The following CDH18 variants were observed in gnomAD, a reference collection of about 807,000 sequenced individuals.
The protein encoded by CDH18 is cadherin-18.
CDH18 carries 31 observed loss-of-function variants against 67.9 expected under a neutral mutation model. The ratio of observed to expected loss-of-function variants is 0.46; its 90% CI spans 0.34 to 0.62. The LOEUF (loss-of-function observed/expected upper bound fraction) is 0.62. Among genes scored for constraint, CDH18 ranks in the 20% least tolerant of loss-of-function variants. The pLI, the probability that CDH18 is intolerant of heterozygous loss-of-function variation, is 0.01. For synonymous variants in CDH18, 362 were observed against 347.2 expected (o/e 1.04, Z -0.48); for missense variants, 890 against 975.5 (o/e 0.91, Z 1.17).
intron 3 of CDH18, among the ~76,000 whole-genome samples, chr5:19,828,695 T>C (rs1476536760): frequency 6.6e-6 from 1 of 152,182 alleles, no homozygotes; most frequent in East Asian, 1.9e-4. Flanking sequence ...CATCGCTTCA[T>C]GTTAAAGAAA....
At chr5:20,357,175 G>A (rs1336715652) in intron 1 of CDH18, among the ~76,000 whole-genome samples, 1 of 151,954 alleles carries the variant, frequency 6.6e-6, no homozygotes, top group Non-Finnish European at 1.5e-5. Flanking sequence ...AATGCATGAT[G>A]TTACTTAACA....
chr5:19,724,549 A>C (rs1339935146), intron 4 of CDH18, among the ~76,000 whole-genome samples: 1 of 151,998 alleles, frequency 6.6e-6, no homozygotes, highest in East Asian at 1.9e-4. Context: ...ACAAATTTAT[A>C]CAAGTAAATC....
intron 1 of CDH18, among the ~76,000 whole-genome samples, chr5:20,383,438 A>C (rs1490388530): frequency 6.6e-6 from 1 of 152,166 alleles, no homozygotes; most frequent in Non-Finnish European, 1.5e-5. Flanking sequence ...AAGCTGATAG[A>C]ATCCTTGCTT....
chr5:20,323,185 G>C (rs1299388685), intron 1 of CDH18, among the ~76,000 whole-genome samples: 1 of 152,092 alleles, frequency 6.6e-6, no homozygotes, highest in Non-Finnish European at 1.5e-5. Flanking sequence ...TCATCACAAT[G>C]AAATGTCTTA....
rs114388152 is a variant in CDH18, at chr5:20,510,158, T to C, written c.-580+65304A>G. The stretch of plus-strand genomic sequence containing the variant: ...GATGACTAGTGATGTTGAAATTTTT[T>C]TTCATAGGCCTATTGGGGATTTGTG... On this transcript the variant is annotated intron_variant, in intron 1 of 14. Transcript: ENST00000507958. Among the ~76,000 whole-genome samples the C allele has an allele frequency of 5.9e-3, 892 of 152,304 alleles. 7 individuals are homozygous for C. The highest frequency in any genetic ancestry group is 0.02 in the African/African-American group (833 of 41,554).
intron 2 of CDH18, among the ~76,000 whole-genome samples, chr5:19,846,334 A>C (rs573595639): frequency 6.6e-6 from 1 of 152,108 alleles, no homozygotes. Flanking sequence ...TGATGTCACA[A>C]ATACATTTTT....
chr5:20,193,073 G>A (rs1738675438), intron 2 of CDH18, among the ~76,000 whole-genome samples: 1 of 152,012 alleles, frequency 6.6e-6, no homozygotes, highest in Admixed American at 6.6e-5. Context: ...CACATCTGTT[G>A]TCAGCTGTAT....
At chr5:20,210,032 AAAT>A (rs1275660064) in intron 2 of CDH18, among the ~76,000 whole-genome samples, 1 of 151,520 alleles carries the variant, frequency 6.6e-6, no homozygotes, top group East Asian at 1.9e-4. Context: ...TCTCAATTTT[AAAT>A]ATTATTATGA....
rs141462086 is a variant in CDH18 at position 19,977,178 on chromosome 5, G to A, written c.-257+3882C>T. On this transcript the variant is annotated intron_variant, in intron 2 of 12. Coordinates refer to ENST00000382275, the MANE Select transcript of CDH18 (RefSeq NM_004934.5). ...ATAATTCAGGAAAGTAAACATGTAA[G>A]AGAAAAATAAAATGGCACTTCCTTG... Among the ~76,000 whole-genome samples the A allele has an allele frequency of 5.1e-3, 783 of 152,238 alleles. 2 individuals carry two copies. The highest frequency in any genetic ancestry group is 7.8e-3 in the Non-Finnish European group (530 of 68,002).
intron 8 of CDH18, among the ~76,000 whole-genome samples, chr5:19,570,364 A>G (rs1741183088): frequency 6.6e-6 from 1 of 152,144 alleles, no homozygotes. Flanking sequence ...GTGACAGGAT[A>G]CAGTTTCTAT....
chr5:19,725,120 G>T (rs1474591665), intron 4 of CDH18, among the ~76,000 whole-genome samples: 1 of 151,890 alleles, frequency 6.6e-6, no homozygotes, highest in Non-Finnish European at 1.5e-5. Flanking sequence ...TAGAGACAGG[G>T]TTTCACCATG....
intron 1 of CDH18, among the ~76,000 whole-genome samples, chr5:20,404,081 C>T (rs1746016306): frequency 6.6e-6 from 1 of 152,168 alleles, no homozygotes; most frequent in African/African-American, 2.4e-5. Flanking sequence ...AACCAACTTC[C>T]ACTAGCTTCC....
chr5:20,355,980 T>C (rs1310211500), intron 1 of CDH18, among the ~76,000 whole-genome samples: 1 of 152,224 alleles, frequency 6.6e-6, no homozygotes, highest in Non-Finnish European at 1.5e-5. Flanking sequence ...CTACCCTAAA[T>C]ACAAAATATA....
At chr5:19,787,263 G>C (rs1323691685) in intron 3 of CDH18, among the ~76,000 whole-genome samples, 3 of 152,008 alleles carry the variant, frequency 2.0e-5, no homozygotes, top group African/African-American at 7.3e-5. Context: ...GACCAGCGTG[G>C]TCAACAAAGT....
chr5:19,682,783 A>G (rs186369247), intron 5 of CDH18, among the ~76,000 whole-genome samples: 14 of 152,238 alleles, frequency 9.2e-5, no homozygotes, highest in African/African-American at 3.4e-4. Flanking sequence ...TGATACTATC[A>G]AATTCCTTTA....
chr5:19,498,584 G>C (rs572514519), intron 11 of CDH18, among the ~76,000 whole-genome samples: 1 of 152,088 alleles, frequency 6.6e-6, no homozygotes, highest in South Asian at 2.1e-4. Flanking sequence ...AGTTAGTTTC[G>C]CTATCTTCCA....
At chr5:20,567,129 A>C (rs1758557972) in intron 1 of CDH18, among the ~76,000 whole-genome samples, 1 of 152,184 alleles carries the variant, frequency 6.6e-6, no homozygotes, top group Admixed American at 6.5e-5. Flanking sequence ...ATTTCAATAG[A>C]ATATTTAATA....
At chr5:20,080,183 T>C (rs1744327636) in intron 2 of CDH18, among the ~76,000 whole-genome samples, 1 of 152,204 alleles carries the variant, frequency 6.6e-6, no homozygotes, top group Admixed American at 6.6e-5. Flanking sequence ...TATTGTGGTC[T>C]TTATTCCTTT....
intron 2 of CDH18, among the ~76,000 whole-genome samples, chr5:20,026,139 G>C (rs892392635): frequency 2.6e-5 from 4 of 152,078 alleles, no homozygotes; most frequent in South Asian, 2.1e-4. Context: ...AGCATGACCT[G>C]GGATTGTTCT....
Sources: allele counts gnomAD v4.1 joint callset (sites outside exome capture counted in the v4.1 genomes callset), GRCh38; gene constraint gnomAD v4.1.1; transcripts MANE v1.5; gene names NCBI Gene and HGNC (gene_info 2026-07-23, HGNC 2026-07-21).